ZNF862: variants seen among roughly 807,000 people sequenced by gnomAD.
ZNF862 encodes the protein zinc finger protein 862.
ZNF862 carries 64 observed loss-of-function variants against 91.1 expected under a neutral mutation model. The observed-to-expected ratio is 0.70, with a 90% CI of 0.57 to 0.87. ZNF862 has a LOEUF of 0.87. Ranked by LOEUF, ZNF862 falls within the 40% of genes least tolerant of loss-of-function variation. The pLI is 0.00. For missense variants in ZNF862, 1,459 were observed against 1,528.0 expected (o/e 0.95, Z 0.75); for synonymous variants, 631 against 618.1 (o/e 1.02, Z -0.31).
chr7:149,864,302 G>A lies in ZNF862; in HGVS notation c.*18G>A. The A allele has an allele frequency of 1.9e-6, 3 of 1,581,764 alleles. No homozygotes were observed. The highest frequency in any genetic ancestry group is 2.6e-6 in the Non-Finnish European group (3 of 1,165,056). The stretch of plus-strand genomic sequence containing the variant: ...TGTCCTGAGGGACAGGGAGTCCTTG[G>A]GACTGCCTTGGAGACGCCTCTGTGA... On this transcript the variant is annotated 3_prime_UTR_variant, in exon 8 of 8. Coordinates refer to ENST00000223210, the MANE Select transcript of ZNF862 (RefSeq NM_001099220.3).
rs60721842 is a variant in ZNF862 at position 149,840,187 on chromosome 7, T to TAAAAAA, written c.24+1579_24+1584dup. Among the ~76,000 whole-genome samples, 141 of 41,272 alleles carry TAAAAAA rather than the reference T, an allele frequency of 3.4e-3. 1 individual carries two copies. Among genetic ancestry groups the TAAAAAA allele is most frequent in the East Asian group, 4.8e-3 (4 of 842 alleles). The allele number at this position is 41,272 out of a possible 152,430, so 27.1% of individuals were successfully genotyped here. A position where few individuals can be genotyped will look rare whatever the true frequency, so the allele number is the denominator to read the frequency against. On this transcript the variant is annotated intron_variant, in intron 1 of 7. Coordinates refer to ENST00000223210, the MANE Select transcript of ZNF862 (RefSeq NM_001099220.3). Reference sequence around the variant, plus strand: ...TTAGGTTTTAAGAAAGCTTAAAAAGTAAAAAAAAAAAAAAAAAAAAAAAAA... The same window carrying TAAAAAA: ...TTAGGTTTTAAGAAAGCTTAAAAAGTAAAAAAAAAAAAAAAAAAAAAAAAAAAAAAA...
intron 6 of ZNF862, 91 bp downstream of exon 6, chr7:149,859,617 C>A: frequency 9.2e-7 from 1 of 1,083,634 alleles, no homozygotes; most frequent in Non-Finnish European, 1.3e-6. Context: ...CTGTGCTCAT[C>A]TGATGGGGGC....
Position 149,838,493 on chromosome 7 carries a change from C to A in ZNF862, c.-119C>A. On this transcript the variant is annotated 5_prime_UTR_variant, in exon 1 of 8. Coordinates refer to ENST00000223210, the MANE Select transcript of ZNF862 (RefSeq NM_001099220.3). ...GAGCGAAGTTCTTGGGCCGCGCTCC[C>A]TCCCTACCTGGGTGCCCTCCCCCTC... 1 of 646,390 alleles carries A rather than the reference C, an allele frequency of 1.5e-6. No individual in the cohort carries two copies. Among genetic ancestry groups the A allele is most frequent in the Non-Finnish European group, 2.2e-6 (1 of 452,834 alleles). The allele number at this position is 646,390 out of a possible 1,614,324, so 40.0% of individuals were successfully genotyped here.
intron 1 of ZNF862, chr7:149,841,547 T>C (rs1801705450): frequency 1.0e-6 from 1 of 985,454 alleles, no homozygotes. Context: ...TGGCATTTAA[T>C]AGGGTCTCAG....
Position 149,861,155 on chromosome 7 carries a change from G to T in ZNF862, c.1995G>T (p.Glu665Asp). 1 of 1,613,098 alleles carries T rather than the reference G, an allele frequency of 6.2e-7. No individual in the cohort carries two copies. The highest frequency in any genetic ancestry group is 8.5e-7 in the Non-Finnish European group (1 of 1,179,860). ...SYITLAPLYSETADGYFETIV... is the reference protein window; with the variant it reads ...SYITLAPLYSDTADGYFETIV... ...TCACTCTGGCCCCTCTCTACAGTGA[G>T]ACAGCAGATGGGTACTTCGAGACCA... Residue 665 changes from glutamate (E) to aspartate (D), a missense_variant, in exon 7 of 8, where the codon GAG (glutamate) becomes GAT (aspartate). Coordinates refer to ENST00000223210, the MANE Select transcript of ZNF862 (RefSeq NM_001099220.3). The surrounding 1 kb of genome is among the most constrained non-coding windows in gnomAD (Gnocchi z 6.7).
intron 1 of ZNF862, chr7:149,841,353 C>T (rs1801697299): frequency 1.0e-6 from 1 of 985,454 alleles, no homozygotes; most frequent in African/African-American, 1.7e-5. Context: ...TGTAGGACAT[C>T]TTGCCTGTCA....
chr7:149,846,117 T>G (rs1424987290), intron 2 of ZNF862, 34 bp from the exon 3 acceptor site: 1 of 1,515,782 alleles, frequency 6.6e-7, no homozygotes, highest in African/African-American at 1.4e-5. Flanking sequence ...TGCTTTTCTC[T>G]CTCTCTCGCT....
rs746564596 is a variant in ZNF862 at position 149,862,414 on chromosome 7, A to C, written c.3254A>C (p.Gln1085Pro). 2 of 1,612,688 alleles carry C rather than the reference A, an allele frequency of 1.2e-6. No individual in the cohort carries two copies. The highest frequency in any genetic ancestry group is 2.2e-5 in the South Asian group (2 of 90,946). Residue 1085 changes from glutamine (Q) to proline (P), a missense_variant, in exon 7 of 8, where the codon CAG becomes CCG. By Grantham distance (76) the Gln-to-Pro change is moderately conservative (BLOSUM62 -1). Coordinates refer to ENST00000223210, the MANE Select transcript of ZNF862 (RefSeq NM_001099220.3). The part of the protein sequence containing the change: ...VTEYDPQPAI[Q>P]HWYLTSSGRR... ...GAGTACGACCCCCAGCCCGCCATCC[A>C]GCACTGGTACCTGACCTCCTCAGGC...
chr7:149,850,441 T>C lies in ZNF862; in HGVS notation c.1117+103T>C, dbSNP rs1802031736. 1.6e-6 allele frequency: 2 copies of C among 1,250,040 alleles called. No individual in the cohort carries two copies. The highest frequency in any genetic ancestry group is 5.1e-5 in the East Asian group (2 of 39,566). The allele number at this position is 1,250,040 out of a possible 1,614,324, so 77.4% of individuals were successfully genotyped here. A position where few individuals can be genotyped will look rare whatever the true frequency, so the allele number is the denominator to read the frequency against. On this transcript the variant is annotated intron_variant, in intron 5 of 7. Transcript: ENST00000223210. The surrounding 1 kb of genome is among the most constrained non-coding windows in gnomAD (Gnocchi z 4.2). ...TATCTTCCCATTCCTGCCCCCTCCCTGTGTGTAGGCAGAGACCGATCCTGT... is the reference window on the plus strand; with the variant it reads ...TATCTTCCCATTCCTGCCCCCTCCCCGTGTGTAGGCAGAGACCGATCCTGT...
chr7:149,847,752 T>C lies in ZNF862; in HGVS notation c.259T>C (p.Tyr87His). 1.9e-6 allele frequency: 3 copies of C among 1,612,726 alleles called. No individual in the cohort carries two copies. Among genetic ancestry groups the C allele is most frequent in the Non-Finnish European group, 2.5e-6 (3 of 1,179,418 alleles). The change falls in exon 4 of 8, where the codon TAC becomes CAC. Residue 87 changes from tyrosine to histidine, a missense_variant. Tyr to His is a moderately conservative substitution (Grantham distance 83). Coordinates refer to ENST00000223210, the MANE Select transcript of ZNF862 (RefSeq NM_001099220.3). Reference sequence around the variant, plus strand: ...CTCTAAAGGAAAAAAACAGATGGGCTACATGGGAGAAATGGAGGTGCAAGG... The same window carrying C: ...CTCTAAAGGAAAAAAACAGATGGGCCACATGGGAGAAATGGAGGTGCAAGG... ...EHHPGKKQMG[Y>H]MGEMEVQGPT...
At chr7:149,841,143 A>C in intron 1 of ZNF862, 1 of 985,430 alleles carries the variant, frequency 1.0e-6, no homozygotes, top group Non-Finnish European at 1.2e-6. Context: ...TCAGTGTAAG[A>C]TGTGTTGCAA....
rs1393861336 is a variant in ZNF862 at position 149,860,429 on chromosome 7, G to A, written c.1269G>A (p.Ser423=). Residue 423 remains serine, a synonymous_variant, in exon 7 of 8, where the codon TCG becomes TCA. Coordinates refer to ENST00000223210, the MANE Select transcript of ZNF862 (RefSeq NM_001099220.3). ...VAVREADTQA[S]AADSALLPGS... ...TGAGAGAGGCAGACACACAGGCCTC[G>A]GCTGCAGACTCCGCGTTGCTTCCAG... 5 of 1,613,612 alleles carry A rather than the reference G, an allele frequency of 3.1e-6. No homozygotes were observed. The highest frequency in any genetic ancestry group is 3.3e-5 in the Admixed American group (2 of 59,936).
chr7:149,861,262 T>C lies in ZNF862; in HGVS notation c.2102T>C (p.Met701Thr), dbSNP rs1354140761. ...VVGLGTDGSA[M>T]LSCRGGLVEK... Reference sequence around the variant, plus strand: ...GGGCTGGGGACGGATGGCTCAGCCATGTTGAGCTGCAGAGGAGGCCTTGTG... The same window carrying C: ...GGGCTGGGGACGGATGGCTCAGCCACGTTGAGCTGCAGAGGAGGCCTTGTG... Residue 701 changes from methionine (M) to threonine (T), a missense_variant, in exon 7 of 8, where the codon ATG becomes ACG. Transcript: ENST00000223210. This position sits in a 1 kb window ranked among gnomAD's most constrained non-coding sequence, Gnocchi z 6.7. 2 of 1,611,996 alleles carry C rather than the reference T, an allele frequency of 1.2e-6. No homozygotes were observed. Among genetic ancestry groups the C allele is most frequent in the Non-Finnish European group, 1.7e-6 (2 of 1,179,548 alleles).
chr7:149,844,342 C>A (rs975312733), intron 1 of ZNF862, among the ~76,000 whole-genome samples: 2 of 152,134 alleles, frequency 1.3e-5, no homozygotes, highest in African/African-American at 4.8e-5. Flanking sequence ...AAGAAACGGG[C>A]GTGTGGGAGG....
chr7:149,860,080 G>C lies in ZNF862; in HGVS notation c.1223-303G>C, dbSNP rs556823539. 7.3e-6 allele frequency: 3 copies of C among 411,914 alleles called. No homozygotes were observed. In the Admixed American group the frequency reaches 1.2e-4, roughly 17 times the overall value. 25.5% of individuals were successfully genotyped at this position (411,914 alleles called of 1,614,324 possible). ...TCCAACAGTCTCTGTGGCCAAGGGGGTTAATTGAACTTATTGGTATCTGGT... is the reference window on the plus strand; with the variant it reads ...TCCAACAGTCTCTGTGGCCAAGGGGCTTAATTGAACTTATTGGTATCTGGT... On this transcript the variant is annotated intron_variant, in intron 6 of 7. Transcript: ENST00000223210.
At chr7:149,863,974 T>C in intron 7 of ZNF862, 135 bp from the exon 8 acceptor site, 1 of 848,862 alleles carries the variant, frequency 1.2e-6, no homozygotes, top group Non-Finnish European at 1.8e-6. Context: ...AGATGAGGGC[T>C]GCAAAGAGCA....
Position 149,861,674 on chromosome 7 carries a change from C to A in ZNF862, c.2514C>A (p.Val838=). 4 of 1,611,534 alleles carry A rather than the reference C, an allele frequency of 2.5e-6. No individual in the cohort carries two copies. The highest frequency in any genetic ancestry group is 3.4e-6 in the Non-Finnish European group (4 of 1,179,148). Residue 838 remains valine (V), a synonymous_variant, in exon 7 of 8, where the codon GTC becomes GTA. Coordinates refer to ENST00000223210, the MANE Select transcript of ZNF862 (RefSeq NM_001099220.3). The surrounding 1 kb of genome is among the most constrained non-coding windows in gnomAD (Gnocchi z 6.7). ...AGCTCATGCGCGGCTTCCACTTTGT[C>A]AAGTTCTGCCACTTCCTGTTGGACT... ...MLKLMRGFHF[V]KFCHFLLDFL... is the part of the protein sequence containing the mutation.
chr7:149,844,964 A>C, intron 2 of ZNF862: 1 of 487,282 alleles, frequency 2.1e-6, no homozygotes, highest in Non-Finnish European at 3.7e-6. Flanking sequence ...GCAATCTGGC[A>C]GGCCTGGGCT....
At chr7:149,863,709 G>A (rs1802604222) in intron 7 of ZNF862, among the ~76,000 whole-genome samples, 1 of 152,198 alleles carries the variant, frequency 6.6e-6, no homozygotes, top group Admixed American at 6.5e-5. Context: ...CCTCCTTCCA[G>A]GCAGGGCTCT....
Sources: allele counts gnomAD v4.1 joint callset (sites outside exome capture counted in the v4.1 genomes callset), GRCh38; gene constraint gnomAD v4.1.1; non-coding constraint Gnocchi (gnomAD v3.1); transcripts MANE v1.5; gene names NCBI Gene and HGNC (gene_info 2026-07-23, HGNC 2026-07-21).